The following SASH1 variants were observed in gnomAD, a reference collection of about 807,000 sequenced individuals.
SASH1 encodes SAM and SH3 domain containing 1.
In SASH1, 44 loss-of-function variants were observed where a neutral mutation model predicts 125.2. The ratio of observed to expected loss-of-function variants is 0.35; its 90% CI spans 0.28 to 0.45. The LOEUF is 0.45. Among genes scored for constraint, SASH1 ranks in the 20% least tolerant of loss-of-function variants. SASH1 has a pLI of 1.00. For missense variants in SASH1, 1,426 were observed against 1,614.5 expected (o/e 0.88, Z 2.00); for synonymous variants, 639 against 649.1 (o/e 0.98, Z 0.24).
chr6:148,520,134 G>A (rs1220522813), intron 10 of SASH1: 13 of 519,496 alleles, frequency 2.5e-5, no homozygotes, highest in African/African-American at 7.6e-5. Flanking sequence ...CGGCTTCCCC[G>A]GCAGGAGGGT....
the SASH1 span, among the ~76,000 whole-genome samples, chr6:148,203,329 C>T: frequency 3.6e-4 from 55 of 152,240 alleles, no homozygotes; most frequent in African/African-American, 1.3e-3. Context: ...TTCCTTACCT[C>T]GTGTCTTCAT....
At chr6:148,522,935 CT>C (rs1780905917) in intron 10 of SASH1, among the ~76,000 whole-genome samples, 2 of 152,138 alleles carry the variant, frequency 1.3e-5, no homozygotes, top group African/African-American at 4.8e-5. Context: ...TTGTTATATT[CT>C]TTGTCACTCC....
intron 2 of SASH1, among the ~76,000 whole-genome samples, chr6:148,390,553 C>G (rs374818288): frequency 9.9e-4 from 150 of 152,264 alleles, no homozygotes; most frequent in African/African-American, 3.5e-3. Flanking sequence ...TTGAGAGGCC[C>G]AGGCGGGCGG....
the SASH1 span, among the ~76,000 whole-genome samples, chr6:148,266,973 T>C: frequency 6.6e-6 from 1 of 152,072 alleles, no homozygotes; most frequent in African/African-American, 2.4e-5. Context: ...CCAGGGCACA[T>C]AGAGAGTGAG....
chr6:148,246,749 T>C, the SASH1 span, among the ~76,000 whole-genome samples: 2 of 152,244 alleles, frequency 1.3e-5, no homozygotes, highest in South Asian at 4.1e-4. Context: ...ATATTATGAA[T>C]ACTTTTGCAA....
At chr6:148,468,319 C>T (rs1777939730) in intron 4 of SASH1, among the ~76,000 whole-genome samples, 1 of 152,228 alleles carries the variant, frequency 6.6e-6, no homozygotes, top group Admixed American at 6.5e-5. Context: ...TTTAATATTA[C>T]AGGTCTCACC....
chr6:148,435,010 G>A (rs1258263915), intron 2 of SASH1, among the ~76,000 whole-genome samples: 1 of 151,374 alleles, frequency 6.6e-6, no homozygotes, highest in Non-Finnish European at 1.5e-5. Flanking sequence ...TTCAAGACCA[G>A]CCTGGCCAAC....
intron 7 of SASH1, among the ~76,000 whole-genome samples, chr6:148,482,184 A>G (rs1778656092): frequency 6.6e-6 from 1 of 152,234 alleles, no homozygotes; most frequent in South Asian, 2.1e-4. Context: ...AAAGAATAGT[A>G]GTAAATGTAT....
chr6:148,415,562 A>G (rs910985589), intron 2 of SASH1, among the ~76,000 whole-genome samples: 1 of 152,234 alleles, frequency 6.6e-6, no homozygotes, highest in Non-Finnish European at 1.5e-5. Context: ...AGGTTTGACT[A>G]AGTAACTTGG....
chr6:148,440,336 C>CTA, intron 3 of SASH1, 22 bp from the exon 4 acceptor site: 1 of 1,613,336 alleles, frequency 6.2e-7, no homozygotes, highest in Non-Finnish European at 8.5e-7. Flanking sequence ...ACCACACTGA[C>CTA]TATACGAATC....
intron 2 of SASH1, among the ~76,000 whole-genome samples, chr6:148,426,332 C>T (rs188985669): frequency 1.3e-5 from 2 of 152,248 alleles, no homozygotes; most frequent in South Asian, 2.1e-4. Context: ...GGAAAGGGGT[C>T]GGACAGCTCT....
chr6:148,313,441 G>C (rs1485075817), intron 1 of SASH1, among the ~76,000 whole-genome samples: 1 of 152,122 alleles, frequency 6.6e-6, no homozygotes, highest in Non-Finnish European at 1.5e-5. Flanking sequence ...GATTCCTGGG[G>C]CATGGTATTT....
chr6:148,336,300 CGA>C (rs1028885363), intron 1 of SASH1, among the ~76,000 whole-genome samples: 8 of 151,440 alleles, frequency 5.3e-5, no homozygotes, highest in Non-Finnish European at 1.0e-4. Flanking sequence ...CTCAGCCTCC[CGA>C]GTAGCTGGGA....
At chr6:148,447,578 T>C (rs959728835) in intron 4 of SASH1, among the ~76,000 whole-genome samples, 4 of 152,174 alleles carry the variant, frequency 2.6e-5, no homozygotes, top group South Asian at 2.1e-4. Context: ...TGCTGCTCTC[T>C]TGATTGCTTG....
Position 148,424,252 on chromosome 6 carries a change from G to C in SASH1, c.286-15932G>C, listed in dbSNP as rs182777409. Among the ~76,000 whole-genome samples the C allele has an allele frequency of 6.0e-4, 90 of 151,248 alleles. 2 individuals are homozygous for C. The South Asian group carries it at 0.012, about 20-fold the overall frequency. Reference sequence around the variant, plus strand: ...TTCTTCTTTTTTTTTTTTGGGGGGGGGAGGTGGGACAGGGTCTCGCTCTGT... The same window carrying C: ...TTCTTCTTTTTTTTTTTTGGGGGGGCGAGGTGGGACAGGGTCTCGCTCTGT... On this transcript the variant is annotated intron_variant, in intron 2 of 19. Coordinates refer to ENST00000367467, the MANE Select transcript of SASH1 (RefSeq NM_015278.5).
chr6:148,512,928 C>T (rs1780231726), intron 8 of SASH1: 1 of 985,248 alleles, frequency 1.0e-6, no homozygotes, highest in African/African-American at 1.7e-5. Flanking sequence ...GAGAAAGTAC[C>T]ATGGCTCCAT....
chr6:148,546,054 T>TA lies in SASH1; in HGVS notation c.3389dup (p.Tyr1130Ter). The stretch of plus-strand genomic sequence containing the variant: ...GATTCCTGAAGCCCTGGTGCAGAGA[T>TA]ACGCAGAGGACTTGGATCAGCCCGA... ...CGIPEALVQR[Y>*]AEDLDQPERD... is the part of the protein sequence containing the mutation. Residue 1130 changes from tyrosine to a stop codon, truncating the protein, a stop_gained and frameshift_variant, in exon 19 of 20, where the codon TAC becomes TAAC. Coordinates refer to ENST00000367467, the MANE Select transcript of SASH1 (RefSeq NM_015278.5). LOFTEE classifies it high-confidence loss of function. 6.2e-7 allele frequency: 1 copy of TA among 1,614,236 alleles called. No homozygotes were observed. The highest frequency in any genetic ancestry group is 8.5e-7 in the Non-Finnish European group (1 of 1,180,040).
chr6:148,240,306 T>C, the SASH1 span, among the ~76,000 whole-genome samples: 13 of 152,122 alleles, frequency 8.5e-5, no homozygotes, highest in Non-Finnish European at 1.6e-4. Flanking sequence ...GTTGTCTGGG[T>C]TAAGTGTAGG....
intron 4 of SASH1, among the ~76,000 whole-genome samples, chr6:148,463,056 G>A (rs867207096): frequency 1.3e-5 from 2 of 152,042 alleles, no homozygotes; most frequent in African/African-American, 2.4e-5. Flanking sequence ...ATGGTCTTAC[G>A]AGGATCTCCA....
Sources: allele counts gnomAD v4.1 joint callset (sites outside exome capture counted in the v4.1 genomes callset), GRCh38; gene constraint gnomAD v4.1.1; transcripts MANE v1.5; gene names NCBI Gene and HGNC (gene_info 2026-07-23, HGNC 2026-07-21).